TNFSF11: variants seen among roughly 807,000 people sequenced by gnomAD.
The protein encoded by TNFSF11 is TNF superfamily member 11.
TNFSF11 carries 12 observed loss-of-function variants against 32.2 expected under a neutral mutation model. The ratio of observed to expected loss-of-function variants is 0.37; its 90% CI spans 0.24 to 0.60. TNFSF11 has a LOEUF of 0.60. Ranked by LOEUF, TNFSF11 falls within the 20% of genes least tolerant of loss-of-function variation. TNFSF11 has a pLI of 0.66. For synonymous variants in TNFSF11, 172 were observed against 152.1 expected, an observed-to-expected ratio of 1.13 and a Z score of -0.96; for missense variants, 345 against 398.0, an observed-to-expected ratio of 0.87 and a Z score of 1.13.
chr13:42,599,334 T>TATC (rs199501146), intron 2 of TNFSF11, among the ~76,000 whole-genome samples: 226 of 130,976 alleles, frequency 1.7e-3, no homozygotes, highest in Admixed American at 2.5e-3. Flanking sequence ...TCTATCTATC[T>TATC]ATCTATCTAT....
At position 42,607,772 on chromosome 13, in the gene TNFSF11, A is replaced by G. The variant is rs200736272; in HGVS notation, c.*854A>G. 3 of 152,778 alleles carry G rather than the reference A, an allele frequency of 2.0e-5. No homozygotes were observed. The highest frequency in any genetic ancestry group is 6.5e-5 in the Admixed American group (1 of 15,286). The allele number at this position is 152,778 out of a possible 1,614,324, so 9.5% of individuals were successfully genotyped here. A position where few individuals can be genotyped will look rare whatever the true frequency, so the allele number is the denominator to read the frequency against. ...CTTTAGAAAGCTGACATTGCCAAAA[A>G]GGATACATAATGGGCCACTGAAATC... On this transcript the variant is annotated 3_prime_UTR_variant, in exon 5 of 5. Coordinates refer to ENST00000398795, the MANE Select transcript of TNFSF11 (RefSeq NM_003701.4).
chr13:42,592,923 C>A (rs959989030), intron 2 of TNFSF11, among the ~76,000 whole-genome samples: 4 of 152,202 alleles, frequency 2.6e-5, no homozygotes, highest in African/African-American at 9.6e-5. Context: ...TCCACCAAGA[C>A]TGTAGGTTTC....
rs998463381 is a variant in TNFSF11 at position 42,574,297 on chromosome 13, G to C, written c.-7G>C. ...AGGAGAGCTCCGAAGCGAGAGGGCC[G>C]AGCGCCATGCGCCGCGCCAGCAGAG... On this transcript the variant is annotated 5_prime_UTR_variant, in exon 1 of 5. Transcript: ENST00000398795. 3 of 1,545,674 alleles carry C rather than the reference G, an allele frequency of 1.9e-6. No individual in the cohort carries two copies. Among genetic ancestry groups the C allele is most frequent in the Non-Finnish European group, 2.6e-6 (3 of 1,145,748 alleles).
intron 2 of TNFSF11, among the ~76,000 whole-genome samples, chr13:42,590,659 C>G (rs961747843): frequency 6.6e-6 from 1 of 152,232 alleles, no homozygotes; most frequent in African/African-American, 2.4e-5. Flanking sequence ...TGCCACACTG[C>G]AGTTACTCTG....
intron 4 of TNFSF11, among the ~76,000 whole-genome samples, chr13:42,603,044 G>T (rs1446381932): frequency 1.3e-5 from 2 of 152,156 alleles, no homozygotes; most frequent in East Asian, 1.9e-4. Context: ...TGTGGCTCTG[G>T]CTGGGCCCAC....
At chr13:42,580,229 C>T (rs986162987) in intron 1 of TNFSF11, among the ~76,000 whole-genome samples, 4 of 152,196 alleles carry the variant, frequency 2.6e-5, no homozygotes, top group Non-Finnish European at 5.9e-5. Flanking sequence ...CTTTACTTCA[C>T]AGTTGAAACC....
At chr13:42,606,403 T>C in intron 4 of TNFSF11, 94 bp from the exon 5 acceptor site, 5 of 1,427,434 alleles carry the variant, frequency 3.5e-6, no homozygotes, top group Non-Finnish European at 4.9e-6. Flanking sequence ...TAATGACTGC[T>C]ATACTATTTT....
At chr13:42,577,666 C>T (rs1351291300) in intron 1 of TNFSF11, among the ~76,000 whole-genome samples, 1 of 152,080 alleles carries the variant, frequency 6.6e-6, no homozygotes, top group Non-Finnish European at 1.5e-5. Context: ...CCCTCGATCC[C>T]CCAATATGCA....
intron 1 of TNFSF11, 36 bp downstream of exon 1, chr13:42,574,558 A>C: frequency 2.5e-6 from 4 of 1,593,112 alleles, no homozygotes; most frequent in Non-Finnish European, 3.4e-6. Context: ...CGCGGCTGAG[A>C]GCGCCCATCT....
chr13:42,593,009 G>A (rs1277936028), intron 2 of TNFSF11, among the ~76,000 whole-genome samples: 3 of 152,110 alleles, frequency 2.0e-5, no homozygotes, highest in African/African-American at 7.2e-5. Context: ...GTCTTGGCCA[G>A]TTCTTTATAG....
At position 42,581,101 on chromosome 13, in the gene TNFSF11, C is replaced by T. The variant is rs7996124; in HGVS notation, c.220-25C>T. ...GGATGACTAGTGATAAGCACTCTAA[C>T]GTCCTTACTGTTTCTCCTCCTCAGA... On this transcript the variant is annotated intron_variant, in intron 1 of 4. Coordinates refer to ENST00000398795, the MANE Select transcript of TNFSF11 (RefSeq NM_003701.4). 2,106 of 1,613,166 alleles carry T rather than the reference C, an allele frequency of 1.3e-3. 26 individuals are homozygous for T. In the African/African-American group the frequency reaches 0.025, roughly 19 times the overall value.
Position 42,582,458 on chromosome 13 carries a change from T to C in TNFSF11, c.387+1165T>C, listed in dbSNP as rs118058038. ...ATTTTCAGCCTACTTTGTTATTTCATGCATCACTAAGAAAGAAGAAACTGT... is the reference window on the plus strand; with the variant it reads ...ATTTTCAGCCTACTTTGTTATTTCACGCATCACTAAGAAAGAAGAAACTGT... On this transcript the variant is annotated intron_variant, in intron 2 of 4. Coordinates refer to ENST00000398795, the MANE Select transcript of TNFSF11 (RefSeq NM_003701.4). Among the ~76,000 whole-genome samples, 1,001 of 152,328 alleles carry C rather than the reference T, an allele frequency of 6.6e-3. 7 individuals are homozygous for C. Among genetic ancestry groups the C allele is most frequent in the Middle Eastern group, 0.017 (5 of 294 alleles).
intron 2 of TNFSF11, among the ~76,000 whole-genome samples, chr13:42,567,227 A>G (rs1032267271): frequency 6.6e-6 from 1 of 152,194 alleles, no homozygotes; most frequent in Non-Finnish European, 1.5e-5. Flanking sequence ...CTCCCTAATT[A>G]ATTTTTGTAT....
chr13:42,579,386 G>A (rs183335335), intron 1 of TNFSF11, among the ~76,000 whole-genome samples: 3 of 149,092 alleles, frequency 2.0e-5, no homozygotes, highest in Admixed American at 6.8e-5. Flanking sequence ...TCCAGCCTGG[G>A]TGGGGGTGAC....
At chr13:42,569,112 C>T (rs1319757816) in intron 2 of TNFSF11, among the ~76,000 whole-genome samples, 1 of 152,174 alleles carries the variant, frequency 6.6e-6, no homozygotes, top group Non-Finnish European at 1.5e-5. Context: ...AATCCATATC[C>T]TAAGCCCCAG....
At chr13:42,563,147 A>G (rs1338335307) in intron 1 of TNFSF11, among the ~76,000 whole-genome samples, 2 of 152,210 alleles carry the variant, frequency 1.3e-5, no homozygotes, top group East Asian at 3.8e-4. Context: ...TAACTTTACT[A>G]GTCAAATAAG....
upstream of TNFSF11, chr13:42,571,515 T>G (rs1566372547): frequency 6.6e-6 from 1 of 152,116 alleles, no homozygotes; most frequent in Non-Finnish European, 1.5e-5. Flanking sequence ...ACCAGAGATG[T>G]GCACCAAAAT....
rs1399676948 is a variant in TNFSF11, at chr13:42,574,534, C to A, written c.219+12C>A. The A allele has an allele frequency of 7.5e-6, 12 of 1,604,858 alleles. No individual in the cohort carries two copies. Among genetic ancestry groups the A allele is most frequent in the Non-Finnish European group, 9.3e-6 (11 of 1,179,414 alleles). On this transcript the variant is annotated intron_variant, in intron 1 of 4. Transcript: ENST00000398795. ...ATTTCAGAGCGCAGGTGAGTGGCCA[C>A]CTTCCCAGGGGATCGCGGCTGAGAG...
At chr13:42,579,239 A>G (rs1873470609) in intron 1 of TNFSF11, among the ~76,000 whole-genome samples, 1 of 151,988 alleles carries the variant, frequency 6.6e-6, no homozygotes. Flanking sequence ...CCAAGAAAAA[A>G]AAAGGAAGAA....
Sources: allele counts gnomAD v4.1 joint callset (sites outside exome capture counted in the v4.1 genomes callset), GRCh38; gene constraint gnomAD v4.1.1; transcripts MANE v1.5; gene names NCBI Gene and HGNC (gene_info 2026-07-23, HGNC 2026-07-21).